Variants in PRKN observed in about 807,000 individuals in gnomAD.
The protein encoded by PRKN is E3 ubiquitin-protein ligase parkin.
PRKN carries 56 observed loss-of-function variants against 59.5 expected under a neutral mutation model. That is an observed-to-expected ratio of 0.94 (90% CI 0.76 to 1.18). The LOEUF is 1.18. Among genes scored for constraint, PRKN ranks in the 50% most tolerant of loss-of-function variants. The probability of loss-of-function intolerance (pLI) is 0.00; values close to 1 mark genes in which losing one functional copy is unlikely to be tolerated. For missense variants in PRKN, 657 were observed against 596.4 expected, an observed-to-expected ratio of 1.10 and a Z score of -1.06; for synonymous variants, 250 against 222.1, an observed-to-expected ratio of 1.13 and a Z score of -1.12.
In PRKN at chr6:162,584,893, TCCCCTCTCC is replaced by T. The variant is rs1780978974; in HGVS notation, c.8-141429_8-141421del. 7.8e-5 allele frequency among the ~76,000 whole-genome samples: 5 copies of T among 64,008 alleles called. 1 individual carries two copies. Among genetic ancestry groups the T allele is most frequent in the Non-Finnish European group, 9.1e-5 (3 of 32,982 alleles). The allele number at this position is 64,008 out of a possible 152,430, so 42.0% of individuals were successfully genotyped here. ...TCCCCTCCCCTCCCCTCCCCTCCCCTCCCCTCTCCTCTTCTCTTTTCTTTTCTTTTTGAG... is the reference window on the plus strand; with the variant it reads ...TCCCCTCCCCTCCCCTCCCCTCCCCTTCTTCTCTTTTCTTTTCTTTTTGAG... On this transcript the variant is annotated intron_variant, in intron 1 of 11. Coordinates refer to ENST00000366898, the MANE Select transcript of PRKN (RefSeq NM_004562.3).
intron 1 of PRKN, among the ~76,000 whole-genome samples, chr6:162,710,765 A>C (rs1193688742): frequency 6.7e-6 from 1 of 149,570 alleles, no homozygotes. Context: ...AAGTACTTTA[A>C]AAAAAAACAA....
Position 162,020,346 on chromosome 6 carries a change from A to AC in PRKN, c.618+33744_618+33745insG, listed in dbSNP as rs1306238997. Among the ~76,000 whole-genome samples, 47 of 151,058 alleles carry AC rather than the reference A, an allele frequency of 3.1e-4. No homozygotes were observed. In the East Asian group the frequency reaches 4.7e-3, roughly 15 times the overall value. ...GACCAATGAATCAAAAAAAAAAAAA[A>AC]AAAAAAAAAAAACAGATAAAAACAA... On this transcript the variant is annotated intron_variant, in intron 5 of 11. Transcript: ENST00000366898.
chr6:162,056,962 T>C lies in PRKN; in HGVS notation c.535-2788A>G, dbSNP rs889456080. Among the ~76,000 whole-genome samples, 11 of 152,082 alleles carry C rather than the reference T, an allele frequency of 7.2e-5. No individual in the cohort carries two copies. Among genetic ancestry groups the C allele is most frequent in the African/African-American group, 2.2e-4 (9 of 41,394 alleles). Reference sequence around the variant, plus strand: ...TCTAAACTCCTCCCCCTGGGCCTTTTCCCCTCGCTTCATATCCTTTTGTTG... The same window carrying C: ...TCTAAACTCCTCCCCCTGGGCCTTTCCCCCTCGCTTCATATCCTTTTGTTG... On this transcript the variant is annotated intron_variant, in intron 4 of 11. Coordinates refer to ENST00000366898, the MANE Select transcript of PRKN (RefSeq NM_004562.3). This position sits in a 1 kb window ranked among gnomAD's most constrained non-coding sequence, Gnocchi z 4.9.
rs905658498 is a variant in PRKN, at chr6:162,309,795, A to C, written c.172-47030T>G. Among the ~76,000 whole-genome samples the C allele has an allele frequency of 3.9e-5, 6 of 152,254 alleles. No individual in the cohort carries two copies. The East Asian group carries it at 1.2e-3, about 29-fold the overall frequency. On this transcript the variant is annotated intron_variant, in intron 2 of 11. Coordinates refer to ENST00000366898, the MANE Select transcript of PRKN (RefSeq NM_004562.3). ...TGTGTCATGGAGTTTTGCTGTACAGATTACTTCATCACCCAGGTATTAAGC... is the reference window on the plus strand; with the variant it reads ...TGTGTCATGGAGTTTTGCTGTACAGCTTACTTCATCACCCAGGTATTAAGC...
intron 2 of PRKN, among the ~76,000 whole-genome samples, chr6:162,407,162 C>T (rs1213891836): frequency 6.6e-6 from 1 of 152,126 alleles, no homozygotes; most frequent in Non-Finnish European, 1.5e-5. Flanking sequence ...TGCCCTCACT[C>T]ACTTAAAATA....
At chr6:161,681,645 G>T (rs1227999747) in intron 7 of PRKN, among the ~76,000 whole-genome samples, 2 of 152,170 alleles carry the variant, frequency 1.3e-5, no homozygotes, top group South Asian at 2.1e-4. Context: ...CTTCGCTCCT[G>T]GTTCTGATGG....
intron 4 of PRKN, among the ~76,000 whole-genome samples, chr6:162,142,224 C>A (rs950914819): frequency 3.9e-5 from 6 of 152,110 alleles, no homozygotes; most frequent in Non-Finnish European, 7.4e-5. Flanking sequence ...AAATGTACAA[C>A]CCCAGGTCAT....
chr6:162,461,128 G>T (rs1350470455), intron 1 of PRKN, among the ~76,000 whole-genome samples: 2 of 151,854 alleles, frequency 1.3e-5, no homozygotes, highest in Non-Finnish European at 2.9e-5. Flanking sequence ...TATTACAACA[G>T]AATTATGTAC....
chr6:161,714,723 A>G (rs1424240545), intron 7 of PRKN, among the ~76,000 whole-genome samples: 1 of 152,204 alleles, frequency 6.6e-6, no homozygotes, highest in Non-Finnish European at 1.5e-5. Context: ...CACTTACAAA[A>G]CAGTTCTCAA....
intron 1 of PRKN, among the ~76,000 whole-genome samples, chr6:162,452,183 GAT>G (rs1055787494): frequency 6.6e-6 from 1 of 152,036 alleles, no homozygotes; most frequent in African/African-American, 2.4e-5. Flanking sequence ...ATAAAATAAA[GAT>G]ATTTTAAGAT....
At chr6:161,974,409 T>C (rs1462352866) in intron 5 of PRKN, among the ~76,000 whole-genome samples, 1 of 152,198 alleles carries the variant, frequency 6.6e-6, no homozygotes, top group Non-Finnish European at 1.5e-5. Flanking sequence ...TGCTTCTTAG[T>C]TCCTTTCCCC....
chr6:162,084,675 A>G (rs76893234), intron 4 of PRKN, among the ~76,000 whole-genome samples: 1 of 152,130 alleles, frequency 6.6e-6, no homozygotes, highest in Non-Finnish European at 1.5e-5. Context: ...CTACTGCTAT[A>G]TTCAATGAAA....
At chr6:161,621,743 T>C (rs1389947042) in intron 7 of PRKN, among the ~76,000 whole-genome samples, 2 of 152,128 alleles carry the variant, frequency 1.3e-5, no homozygotes, top group South Asian at 2.1e-4. Context: ...TTTTGGTTCA[T>C]AGGAAAGAAC....
chr6:161,848,043 C>T (rs967180780), intron 6 of PRKN, among the ~76,000 whole-genome samples: 8 of 152,158 alleles, frequency 5.3e-5, no homozygotes, highest in Non-Finnish European at 8.8e-5. Context: ...AGTGAGGAAA[C>T]TGATACCAAA....
At chr6:161,415,609 A>G (rs572685117) in intron 9 of PRKN, among the ~76,000 whole-genome samples, 1 of 28,492 alleles carries the variant, frequency 3.5e-5, no homozygotes, top group Non-Finnish European at 7.1e-5. Flanking sequence ...CCCCCCCCCG[A>G]CCCCCCGCCA....
At position 161,545,503 on chromosome 6, in the gene PRKN, A is replaced by G. The variant is rs1338909043; in HGVS notation, c.1083+3351T>C. ...ACTTTTATGTATTTGGCCATGTTCT[A>G]CTTCTGAAATGACATAATCTAACCA... On this transcript the variant is annotated intron_variant, in intron 9 of 11. Transcript: ENST00000366898. This position sits in a 1 kb window ranked among gnomAD's most constrained non-coding sequence, Gnocchi z 4.1. The G allele has an allele frequency of 2.6e-6, 3 of 1,158,876 alleles. No individual in the cohort carries two copies. The highest frequency in any genetic ancestry group is 2.5e-5 in the South Asian group (2 of 79,554). The allele number at this position is 1,158,876 out of a possible 1,614,324, so 71.8% of individuals were successfully genotyped here.
At chr6:161,808,852 T>C (rs1167406176) in intron 6 of PRKN, among the ~76,000 whole-genome samples, 1 of 152,192 alleles carries the variant, frequency 6.6e-6, no homozygotes, top group African/African-American at 2.4e-5. Flanking sequence ...TGTTTTGTTT[T>C]GTTTTTCAGA....
chr6:161,723,727 G>T (rs1787323690), intron 7 of PRKN, among the ~76,000 whole-genome samples: 1 of 152,178 alleles, frequency 6.6e-6, no homozygotes, highest in Admixed American at 6.5e-5. Flanking sequence ...TCTGAAAAAA[G>T]AAAGTGGAGC....
At chr6:162,480,158 T>C (rs1235367207) in intron 1 of PRKN, among the ~76,000 whole-genome samples, 1 of 152,150 alleles carries the variant, frequency 6.6e-6, no homozygotes, top group Admixed American at 6.5e-5. Flanking sequence ...TATACATAAT[T>C]GTATGTGCTG....
Sources: allele counts gnomAD v4.1 joint callset (sites outside exome capture counted in the v4.1 genomes callset), GRCh38; gene constraint gnomAD v4.1.1; non-coding constraint Gnocchi (gnomAD v3.1); transcripts MANE v1.5; gene names NCBI Gene and HGNC (gene_info 2026-07-23, HGNC 2026-07-21).